The following LARP6 variants were observed in gnomAD, a reference collection of about 807,000 sequenced individuals.
LARP6 encodes the protein la-related protein 6.
Under a neutral mutation model 32.8 loss-of-function variants are expected in LARP6, and 18 were observed. The ratio of observed to expected loss-of-function variants is 0.55; its 90% CI spans 0.38 to 0.81. The LOEUF (loss-of-function observed/expected upper bound fraction) is 0.81, where lower values mean the gene tolerates loss of function less well. LARP6 is among the 40% of genes least tolerant of loss of function. The pLI is 0.00. For missense variants in LARP6, 598 were observed against 663.1 expected, an observed-to-expected ratio of 0.90 and a Z score of 1.08; for synonymous variants, 289 against 267.2, an observed-to-expected ratio of 1.08 and a Z score of -0.80.
Position 70,832,606 on chromosome 15 carries a change from C to G in LARP6, c.922G>C (p.Glu308Gln). ...AGGTGGATGCTCGCAGTGGGCTCCT[C>G]GTCATGATTTTTGTCTTTGGCAGGT... ...KKPAKDKNHD[E>Q]EPTASIHLNK... Residue 308 changes from glutamate (E) to glutamine (Q), a missense_variant, in exon 3 of 3, where the codon GAG (glutamate) becomes CAG (glutamine). By Grantham distance (29) the Glu-to-Gln change is conservative. This residue lies in a region of LARP6 where 368 missense variants were observed against 397.9 expected (regional missense o/e 0.92). Transcript: ENST00000299213. The G allele has an allele frequency of 6.2e-7, 1 of 1,603,850 alleles. No individual in the cohort carries two copies. The highest frequency in any genetic ancestry group is 1.1e-5 in the South Asian group (1 of 89,136).
At chr15:70,838,119 G>T (rs2032181064) in intron 1 of LARP6, among the ~76,000 whole-genome samples, 1 of 152,154 alleles carries the variant, frequency 6.6e-6, no homozygotes, top group Non-Finnish European at 1.5e-5. Context: ...TGTTAAATCT[G>T]TAGTGTCATG....
At chr15:70,841,807 G>A (rs1040222331) in intron 1 of LARP6, among the ~76,000 whole-genome samples, 1 of 151,976 alleles carries the variant, frequency 6.6e-6, no homozygotes, top group African/African-American at 2.4e-5. Flanking sequence ...CTAGTGCCAT[G>A]CTTCCTATAC....
At chr15:70,851,838 G>C (rs1299680629) in intron 1 of LARP6, 18 of 1,531,984 alleles carry the variant, frequency 1.2e-5, no homozygotes, top group Admixed American at 7.3e-5. Flanking sequence ...GTGGGGATTG[G>C]GGGTGGTGGA....
intron 2 of LARP6, among the ~76,000 whole-genome samples, chr15:70,835,374 CA>C (rs1214167075): frequency 6.6e-6 from 1 of 152,160 alleles, no homozygotes; most frequent in Non-Finnish European, 1.5e-5. Flanking sequence ...TTGTCAAGGA[CA>C]GGGGGAGTAC....
At chr15:70,849,855 G>A (rs1041671011) in intron 1 of LARP6, 3 of 151,952 alleles carry the variant, frequency 2.0e-5, no homozygotes, top group Non-Finnish European at 4.4e-5. Flanking sequence ...GTAATTAAAG[G>A]GAAATAATTA....
chr15:70,832,824 G>C lies in LARP6; in HGVS notation c.704C>G (p.Pro235Arg), dbSNP rs1236606832. Residue 235 changes from proline (P) to arginine (R), a missense_variant, in exon 3 of 3, where the codon CCT becomes CGT. Pro to Arg is a moderately radical substitution (Grantham distance 103). Coordinates refer to ENST00000299213, the MANE Select transcript of LARP6 (RefSeq NM_018357.4). ...GATGTCAGGGGGCAGCTCTCTCCCA[G>C]GTTTGAGGATCCGCACTGATGAGAT... ...GVISSVRILK[P>R]GRELPPDIRR... 6.2e-7 allele frequency: 1 copy of C among 1,612,982 alleles called. No individual in the cohort carries two copies. The highest frequency in any genetic ancestry group is 8.5e-7 in the Non-Finnish European group (1 of 1,179,660).
intron 2 of LARP6, among the ~76,000 whole-genome samples, chr15:70,835,648 C>T (rs1485952462): frequency 6.6e-6 from 1 of 152,150 alleles, no homozygotes; most frequent in Non-Finnish European, 1.5e-5. Flanking sequence ...ATGCACTTCC[C>T]CTAAGGGAGA....
chr15:70,831,895 C>A lies in LARP6; in HGVS notation c.*157G>T. ...AGGTGGTCTTCAAACCATGGCGTAC[C>A]GATTTATGTATATTACAGATAGATA... On this transcript the variant is annotated 3_prime_UTR_variant, in exon 3 of 3. Coordinates refer to ENST00000299213, the MANE Select transcript of LARP6 (RefSeq NM_018357.4). 1 of 484,546 alleles carries A rather than the reference C, an allele frequency of 2.1e-6. No homozygotes were observed. The highest frequency in any genetic ancestry group is 3.6e-6 in the Non-Finnish European group (1 of 281,610). 30.0% of individuals were successfully genotyped at this position (484,546 alleles called of 1,614,324 possible).
intron 1 of LARP6, among the ~76,000 whole-genome samples, chr15:70,840,780 C>A (rs1201788306): frequency 1.3e-5 from 2 of 152,106 alleles, no homozygotes; most frequent in Non-Finnish European, 2.9e-5. Flanking sequence ...CGAAAGGGAC[C>A]CCTGTGGGGT....
chr15:70,841,350 GC>G (rs1254201843), intron 1 of LARP6, among the ~76,000 whole-genome samples: 1 of 152,154 alleles, frequency 6.6e-6, no homozygotes, highest in Non-Finnish European at 1.5e-5. Flanking sequence ...ATCCAATCAA[GC>G]TTCTCTAGAC....
intron 1 of LARP6, among the ~76,000 whole-genome samples, chr15:70,838,269 C>T (rs1241988119): frequency 6.6e-6 from 1 of 152,122 alleles, no homozygotes; most frequent in Non-Finnish European, 1.5e-5. Flanking sequence ...AGTTCTATTA[C>T]CTGTAAATTG....
At chr15:70,842,210 T>C (rs1385819304) in intron 1 of LARP6, among the ~76,000 whole-genome samples, 1 of 151,850 alleles carries the variant, frequency 6.6e-6, no homozygotes, top group Non-Finnish European at 1.5e-5. Flanking sequence ...CATGCCTGGC[T>C]AATTTTTCTG....
intron 1 of LARP6, chr15:70,851,765 T>C (rs2032464696): frequency 6.2e-7 from 1 of 1,613,604 alleles, no homozygotes; most frequent in African/African-American, 1.3e-5. Context: ...TGGAAGGTGC[T>C]AGGCATAAAA....
At position 70,832,502 on chromosome 15, in the gene LARP6, G is replaced by A. The variant is rs142199837; in HGVS notation, c.1026C>T (p.Pro342=). 2.7e-4 allele frequency: 412 copies of A among 1,542,212 alleles called. No individual in the cohort carries two copies. In the African/African-American group the frequency reaches 4.3e-3, roughly 16 times the overall value. The part of the protein sequence containing the change: ...DESSANSSSD[P]ESNPTSPMAG... ...CCATAGGGGATGTGGGGTTGCTCTC[G>A]GGGTCAGAGGAGCTGTTGGCAGAAG... Residue 342 remains proline, a synonymous_variant, in exon 3 of 3, where the codon CCC becomes CCT. Transcript: ENST00000299213.
chr15:70,837,400 A>AATT (rs904699803), intron 1 of LARP6, among the ~76,000 whole-genome samples: 11 of 151,822 alleles, frequency 7.2e-5, no homozygotes, highest in African/African-American at 2.7e-4. Context: ...TAATAATAAT[A>AATT]ATTATTATAA....
rs146259525 is a variant in LARP6 at position 70,833,604 on chromosome 15, A to G, written c.412-488T>C. 5.3e-3 allele frequency among the ~76,000 whole-genome samples: 803 copies of G among 152,354 alleles called. 4 individuals are homozygous for G. The highest frequency in any genetic ancestry group is 9.2e-3 in the Non-Finnish European group (628 of 68,020). ...TGTACATATGTATGTACAGACACAT[A>G]CAAACTCATTTACACATAAAACAGA... On this transcript the variant is annotated intron_variant, in intron 2 of 2. Coordinates refer to ENST00000299213, the MANE Select transcript of LARP6 (RefSeq NM_018357.4).
At chr15:70,851,535 C>G in intron 1 of LARP6, 1 of 1,513,396 alleles carries the variant, frequency 6.6e-7, no homozygotes, top group Non-Finnish European at 8.9e-7. Context: ...GATAAGGCAG[C>G]TGCCTTCAAG....
At chr15:70,851,853 A>T in intron 1 of LARP6, 1 of 1,452,550 alleles carries the variant, frequency 6.9e-7, no homozygotes, top group Non-Finnish European at 9.3e-7. Context: ...GGTGGAGAAG[A>T]GGCAGCGAAG....
chr15:70,835,597 C>T (rs577165933), intron 2 of LARP6, among the ~76,000 whole-genome samples: 24 of 152,322 alleles, frequency 1.6e-4, no homozygotes, highest in African/African-American at 3.6e-4. Flanking sequence ...TTACGCATCC[C>T]GTTATGCAAC....
Sources: allele counts gnomAD v4.1 joint callset (sites outside exome capture counted in the v4.1 genomes callset), GRCh38; gene constraint gnomAD v4.1.1; regional missense constraint gnomAD v4.1.1; transcripts MANE v1.5; gene names NCBI Gene and HGNC (gene_info 2026-07-23, HGNC 2026-07-21).